The following TREML1 variants were observed in gnomAD, a reference collection of about 807,000 sequenced individuals.
TREML1 encodes triggering receptor expressed on myeloid cells like 1, also known as trem-like transcript 1 protein.
TREML1 carries 27 observed loss-of-function variants against 22.8 expected under a neutral mutation model. That is an observed-to-expected ratio of 1.19 (90% CI 0.87 to 1.64). TREML1 has a LOEUF of 1.64. TREML1 is among the 40% of genes most tolerant of loss of function. The pLI is 0.00. For missense variants in TREML1, 356 were observed against 382.0 expected (o/e 0.93, Z 0.57); for synonymous variants, 153 against 161.9 (o/e 0.94, Z 0.42).
intron 2 of TREML1, 111 bp downstream of exon 2, chr6:41,153,647 G>A (rs1765333617): frequency 9.4e-7 from 1 of 1,058,806 alleles, no homozygotes; most frequent in African/African-American, 1.6e-5. Flanking sequence ...TATCTCCTTG[G>A]AATGCCTCCT....
At chr6:41,154,534 G>A (rs1765372704), upstream of TREML1, among the ~76,000 whole-genome samples, 1 of 152,202 alleles carries the variant, frequency 6.6e-6, no homozygotes, top group South Asian at 2.1e-4. Context: ...GCCTGCAGGG[G>A]CTGGGGCCCG....
chr6:41,153,640 C>A, intron 2 of TREML1, 118 bp downstream of exon 2: 1 of 992,956 alleles, frequency 1.0e-6, no homozygotes. Flanking sequence ...AAGAGGATAT[C>A]TCCTTGGAAT....
downstream of TREML1, chr6:41,149,328 T>G: frequency 2.9e-6 from 1 of 343,758 alleles, no homozygotes; most frequent in South Asian, 7.2e-5. Flanking sequence ...CCTTTCCCAT[T>G]CAGCCATTAA....
chr6:41,149,716 C>G lies in TREML1; in HGVS notation c.824G>C (p.Cys275Ser). 1 of 1,614,174 alleles carries G rather than the reference C, an allele frequency of 6.2e-7. No homozygotes were observed. The highest frequency in any genetic ancestry group is 8.5e-7 in the Non-Finnish European group (1 of 1,180,032). The change falls in exon 6 of 6, where the codon TGC becomes TCC. Residue 275 changes from cysteine to serine, a missense_variant. By Grantham distance (112) the Cys-to-Ser change is moderately radical (BLOSUM62 -1). Coordinates refer to ENST00000426005, the MANE Select transcript of TREML1 (RefSeq NM_178174.4). The stretch of plus-strand genomic sequence containing the variant: ...TGTGGCATATGTCACAGGCTTGGAG[C>G]AGACCAGGACCTTAGGAGGTAGAGG... ...LPPLPPKVLVCSKPVTYATVI... is the reference protein window; with the variant it reads ...LPPLPPKVLVSSKPVTYATVI...
Position 41,151,299 on chromosome 6 carries a change from G to A in TREML1, c.462C>T (p.Pro154=), listed in dbSNP as rs373339192. ...DPAGSANPLE[P]SQDEKSIPLI... is the part of the protein sequence containing the mutation. ...GTCAGTACCTCTTCTCATCCTGGCTGGGTTCCAAAGGGTTGGCACTGCCTG... is the reference window on the plus strand; with the variant it reads ...GTCAGTACCTCTTCTCATCCTGGCTAGGTTCCAAAGGGTTGGCACTGCCTG... The change falls in exon 3 of 6, where the codon CCC becomes CCT. Residue 154 remains proline (P), a synonymous_variant. Coordinates refer to ENST00000426005, the MANE Select transcript of TREML1 (RefSeq NM_178174.4). The A allele has an allele frequency of 3.5e-5, 57 of 1,614,136 alleles. No individual in the cohort carries two copies. In the African/African-American group the frequency reaches 6.0e-4, roughly 17 times the overall value.
At position 41,151,390 on chromosome 6, in the gene TREML1, A is replaced by T; in HGVS notation, c.377-6T>A. ...ATGGGTCTCTTCTTCTTCCTCTGTC[A>T]GGCCAGGAATGGAGTCAGAAGGAAA... On this transcript the variant is annotated splice_polypyrimidine_tract_variant and splice_region_variant and intron_variant, in intron 2 of 5. Transcript: ENST00000426005. 1 of 1,613,380 alleles carries T rather than the reference A, an allele frequency of 6.2e-7. No homozygotes were observed.
chr6:41,154,537 G>T (rs1390502535), upstream of TREML1, among the ~76,000 whole-genome samples: 5 of 152,214 alleles, frequency 3.3e-5, no homozygotes, highest in Non-Finnish European at 5.9e-5. Flanking sequence ...TGCAGGGGCT[G>T]GGGCCCGGCT....
At chr6:41,150,794 C>T (rs1401272572) in intron 4 of TREML1, 25 bp downstream of exon 4, 6 of 1,606,816 alleles carry the variant, frequency 3.7e-6, no homozygotes, top group South Asian at 1.1e-5. Context: ...TAGGGCCAGG[C>T]TGAGATAGGA....
intron 2 of TREML1, among the ~76,000 whole-genome samples, chr6:41,153,392 AAATT>A (rs1177492280): frequency 6.6e-6 from 1 of 151,452 alleles, no homozygotes; most frequent in Non-Finnish European, 1.5e-5. Flanking sequence ...GAAGCTACAA[AAATT>A]AATTCTGGTT....
upstream of TREML1, among the ~76,000 whole-genome samples, chr6:41,154,803 G>A (rs529783427): frequency 6.6e-5 from 10 of 152,200 alleles, no homozygotes; most frequent in Middle Eastern, 3.4e-3. Flanking sequence ...CCCTGGACTG[G>A]GTCTTTCTTC....
Position 41,153,976 on chromosome 6 carries a change from C to A in TREML1, c.158G>T (p.Arg53Leu), listed in dbSNP as rs767955129. 2 of 1,614,198 alleles carry A rather than the reference C, an allele frequency of 1.2e-6. No individual in the cohort carries two copies. Among genetic ancestry groups the A allele is most frequent in the Admixed American group, 1.7e-5 (1 of 60,032 alleles). Residue 53 changes from arginine (R) to leucine (L), a missense_variant, in exon 2 of 6, where the codon CGG (arginine) becomes CTG (leucine). Coordinates refer to ENST00000426005, the MANE Select transcript of TREML1 (RefSeq NM_178174.4). ...GGGCTGGCACCCCTCCGGCAAGAACCGGCACCACACCTTCTGAGCTTTGAC... is the reference window on the plus strand; with the variant it reads ...GGGCTGGCACCCCTCCGGCAAGAACAGGCACCACACCTTCTGAGCTTTGAC... ...QDVKAQKVWC[R>L]FLPEGCQPLV...
At chr6:41,154,486 G>A, upstream of TREML1, 1 of 566,922 alleles carries the variant, frequency 1.8e-6, no homozygotes, top group Non-Finnish European at 3.1e-6. Flanking sequence ...GGGTAAGGGT[G>A]GGCAAGACAG....
At chr6:41,152,551 G>C (rs1183935017) in intron 2 of TREML1, among the ~76,000 whole-genome samples, 1 of 152,084 alleles carries the variant, frequency 6.6e-6, no homozygotes, top group Non-Finnish European at 1.5e-5. Context: ...TGACAACATA[G>C]TCTACCCTCT....
At chr6:41,150,231 T>C in intron 5 of TREML1, 30 bp downstream of exon 5, 1 of 1,612,672 alleles carries the variant, frequency 6.2e-7, no homozygotes, top group East Asian at 2.2e-5. Context: ...GTCTGGGGAA[T>C]TTGGCTGTGG....
rs1319609994 is a variant in TREML1, at chr6:41,149,547, A to C, written c.*57T>G. 15 of 1,538,374 alleles carry C rather than the reference A, an allele frequency of 9.8e-6. No homozygotes were observed. The highest frequency in any genetic ancestry group is 1.3e-5 in the South Asian group (1 of 79,808). The stretch of plus-strand genomic sequence containing the variant: ...GGATCCTAGGGCATGAGCTGGCTGG[A>C]TGGATGCACAGAACCCCTAGGGATG... On this transcript the variant is annotated 3_prime_UTR_variant, in exon 6 of 6. Coordinates refer to ENST00000426005, the MANE Select transcript of TREML1 (RefSeq NM_178174.4).
intron 2 of TREML1, 71 bp downstream of exon 2, chr6:41,153,687 A>G (rs1210791795): frequency 2.0e-6 from 3 of 1,471,526 alleles, no homozygotes; most frequent in Non-Finnish European, 2.8e-6. Flanking sequence ...TCAAGAACCC[A>G]TGAGCCCTGG....
rs1765184238 is a variant in TREML1 at position 41,149,494 on chromosome 6, A to T, written c.*110T>A. On this transcript the variant is annotated 3_prime_UTR_variant, in exon 6 of 6. Coordinates refer to ENST00000426005, the MANE Select transcript of TREML1 (RefSeq NM_178174.4). ...AAGTTAGGACATTGGATTAGATCTT[A>T]AAGTCCCTGGTTGCTCAGATATCCT... 3 of 1,203,704 alleles carry T rather than the reference A, an allele frequency of 2.5e-6. No homozygotes were observed. Among genetic ancestry groups the T allele is most frequent in the African/African-American group, 3.1e-5 (2 of 65,566 alleles). The allele number at this position is 1,203,704 out of a possible 1,614,324, so 74.6% of individuals were successfully genotyped here.
chr6:41,154,452 CTCAGTG>C (rs1765371013), upstream of TREML1: 1 of 631,188 alleles, frequency 1.6e-6, no homozygotes. Flanking sequence ...CCCTGGTTGG[CTCAGTG>C]CTCAGGAACT....
Position 41,154,032 on chromosome 6 carries a change from A to G in TREML1, c.102T>C (p.Ile34=). Residue 34 remains isoleucine, a synonymous_variant, in exon 2 of 6, where the codon ATT becomes ATC. Coordinates refer to ENST00000426005, the MANE Select transcript of TREML1 (RefSeq NM_178174.4). The part of the protein sequence containing the change: ...EVLQAPVGSS[I]LVQCHYRLQD... Reference sequence around the variant, plus strand: ...GGAGCCTGTAGTGGCACTGCACCAGAATGGAGCTTCCCACGGGTGCCTGCA... The same window carrying G: ...GGAGCCTGTAGTGGCACTGCACCAGGATGGAGCTTCCCACGGGTGCCTGCA... 6.2e-7 allele frequency: 1 copy of G among 1,614,106 alleles called. No individual in the cohort carries two copies. The highest frequency in any genetic ancestry group is 8.5e-7 in the Non-Finnish European group (1 of 1,180,014).
Sources: allele counts gnomAD v4.1 joint callset (sites outside exome capture counted in the v4.1 genomes callset), GRCh38; gene constraint gnomAD v4.1.1; transcripts MANE v1.5; gene names NCBI Gene and HGNC (gene_info 2026-07-23, HGNC 2026-07-21).